The following ZC3H15 variants were observed in gnomAD, a reference collection of about 807,000 sequenced individuals.
The protein encoded by ZC3H15 is zinc finger CCCH-type containing 15, also known as zinc finger CCCH domain-containing protein 15.
A neutral mutation model predicts 51.2 loss-of-function variants in ZC3H15; 15 were observed. The observed-to-expected ratio is 0.29, with a 90% CI of 0.20 to 0.45. The LOEUF is 0.45. Among genes scored for constraint, ZC3H15 ranks in the 20% least tolerant of loss-of-function variants. The probability of loss-of-function intolerance (pLI) is 1.00; values close to 1 mark genes in which losing one functional copy is unlikely to be tolerated. For missense variants in ZC3H15, 381 were observed against 494.7 expected, an observed-to-expected ratio of 0.77 and a Z score of 2.18; for synonymous variants, 144 against 162.8, an observed-to-expected ratio of 0.88 and a Z score of 0.88.
Position 186,486,303 on chromosome 2 carries a change from C to G in ZC3H15, c.-80C>G. 5 of 1,365,880 alleles carry G rather than the reference C, an allele frequency of 3.7e-6. No individual in the cohort carries two copies. The highest frequency in any genetic ancestry group is 4.8e-6 in the Non-Finnish European group (5 of 1,039,930). 84.6% of individuals were successfully genotyped at this position (1,365,880 alleles called of 1,614,324 possible). On this transcript the variant is annotated 5_prime_UTR_variant, in exon 1 of 10. Coordinates refer to ENST00000337859, the MANE Select transcript of ZC3H15 (RefSeq NM_018471.3). ...TGCGGCGAGTGAGGCCCCGGTCTTC[C>G]TCCTCGTCCTGCCGCAGGGCCAGAA... is the stretch of plus-strand genomic sequence containing the variant.
At position 186,497,870 on chromosome 2, in the gene ZC3H15, C is replaced by T. The variant is rs527649870; in HGVS notation, c.178-2312C>T. ...GGACTTATCTGTGAACATGGGGTACCTACCCATCATATATAACATCGGAAA... is the reference window on the plus strand; with the variant it reads ...GGACTTATCTGTGAACATGGGGTACTTACCCATCATATATAACATCGGAAA... On this transcript the variant is annotated intron_variant, in intron 2 of 9. Coordinates refer to ENST00000337859, the MANE Select transcript of ZC3H15 (RefSeq NM_018471.3). Among the ~76,000 whole-genome samples, 4 of 152,184 alleles carry T rather than the reference C, an allele frequency of 2.6e-5. No homozygotes were observed. The South Asian group carries it at 8.3e-4, about 32-fold the overall frequency.
rs1226135194 is a variant in ZC3H15 at position 186,500,179 on chromosome 2, T to C, written c.178-3T>C. 1.9e-6 allele frequency: 3 copies of C among 1,594,652 alleles called. No homozygotes were observed. Among genetic ancestry groups the C allele is most frequent in the Non-Finnish European group, 1.7e-6 (2 of 1,175,126 alleles). On this transcript the variant is annotated splice_polypyrimidine_tract_variant and splice_region_variant and intron_variant, in intron 2 of 9. Transcript: ENST00000337859. The stretch of plus-strand genomic sequence containing the variant: ...TTACATTTTAAACCTGGGAATATTA[T>C]AGGTAGCACAGAGTGAAGCTGAAAA...
chr2:186,500,436 G>C (rs1685361966), intron 3 of ZC3H15, 143 bp downstream of exon 3: 1 of 751,336 alleles, frequency 1.3e-6, no homozygotes, highest in African/African-American at 1.8e-5. Flanking sequence ...ACCTATGTCA[G>C]TGGGTTGCTT....
At chr2:186,500,115 C>A in intron 2 of ZC3H15, 67 bp from the exon 3 acceptor site, 1 of 1,380,736 alleles carries the variant, frequency 7.2e-7, no homozygotes, top group Admixed American at 2.3e-5. Flanking sequence ...TATGGTAATG[C>A]TAACTTTGTA....
chr2:186,508,569 G>A lies in ZC3H15; in HGVS notation c.1117G>A (p.Gly373Ser). 1 of 1,613,962 alleles carries A rather than the reference G, an allele frequency of 6.2e-7. No homozygotes were observed. The highest frequency in any genetic ancestry group is 8.5e-7 in the Non-Finnish European group (1 of 1,179,958). ...AAACAAATTAAGTGAAGCTTCTGGA[G>A]GTAGGGCTGAAAATGGTGAAAGAAG... ...DENKLSEASG[G>S]RAENGERSDL... The change falls in exon 10 of 10, where the codon GGT becomes AGT. Residue 373 changes from glycine (G) to serine (S), a missense_variant. By Grantham distance (56) the Gly-to-Ser change is moderately conservative. This residue lies in a region of ZC3H15 where 215 missense variants were observed against 241.8 expected (regional missense o/e 0.89). Coordinates refer to ENST00000337859, the MANE Select transcript of ZC3H15 (RefSeq NM_018471.3).
chr2:186,506,621 C>A, intron 8 of ZC3H15, 92 bp from the exon 9 acceptor site: 1 of 1,381,832 alleles, frequency 7.2e-7, no homozygotes, highest in Non-Finnish European at 9.8e-7. Context: ...TCACTTGGAT[C>A]AGTGATAATT....
Position 186,502,841 on chromosome 2 carries a change from G to A in ZC3H15, c.534+254G>A, listed in dbSNP as rs6704798. Among the ~76,000 whole-genome samples the A allele has an allele frequency of 6.0e-3, 910 of 152,212 alleles. 9 individuals carry two copies. The highest frequency in any genetic ancestry group is 0.019 in the African/African-American group (795 of 41,544). Reference sequence around the variant, plus strand: ...TTAAATGCCATTTTCTGAGGTGAACGTTCTCAAATATGGATAAACAAAATT... The same window carrying A: ...TTAAATGCCATTTTCTGAGGTGAACATTCTCAAATATGGATAAACAAAATT... On this transcript the variant is annotated intron_variant, in intron 5 of 9. Coordinates refer to ENST00000337859, the MANE Select transcript of ZC3H15 (RefSeq NM_018471.3).
chr2:186,490,653 A>G (rs1409242791), intron 1 of ZC3H15, among the ~76,000 whole-genome samples: 3 of 152,182 alleles, frequency 2.0e-5, no homozygotes, highest in Non-Finnish European at 4.4e-5. Flanking sequence ...TTGGAGCACT[A>G]TTCAGTGTTG....
Position 186,508,526 on chromosome 2 carries a change from C to G in ZC3H15, c.1091-17C>G, listed in dbSNP as rs554436445. On this transcript the variant is annotated splice_polypyrimidine_tract_variant and intron_variant, in intron 9 of 9. Coordinates refer to ENST00000337859, the MANE Select transcript of ZC3H15 (RefSeq NM_018471.3). Reference sequence around the variant, plus strand: ...TTTCTGCTTCTACGCCTTACTGATTCCAGTTTTTATATTTAGAAAACAAAT... The same window carrying G: ...TTTCTGCTTCTACGCCTTACTGATTGCAGTTTTTATATTTAGAAAACAAAT... 1.9e-5 allele frequency: 31 copies of G among 1,611,852 alleles called. No individual in the cohort carries two copies. The highest frequency in any genetic ancestry group is 2.5e-5 in the Non-Finnish European group (30 of 1,178,632).
Position 186,486,286 on chromosome 2 carries a change from G to GTGAGGCCCCGGTCTTCC in ZC3H15, c.-95_-79dup, listed in dbSNP as rs1348615941. ...ACTCGCTTTCCGTGCGGTGCGGCGA[G>GTGAGGCCCCGGTCTTCC]TGAGGCCCCGGTCTTCCTCCTCGTC... On this transcript the variant is annotated 5_prime_UTR_variant, in exon 1 of 10. Coordinates refer to ENST00000337859, the MANE Select transcript of ZC3H15 (RefSeq NM_018471.3). The GTGAGGCCCCGGTCTTCC allele has an allele frequency of 1.5e-6, 2 of 1,303,572 alleles. No homozygotes were observed. Among genetic ancestry groups the GTGAGGCCCCGGTCTTCC allele is most frequent in the Non-Finnish European group, 2.0e-6 (2 of 992,406 alleles). 80.8% of individuals were successfully genotyped at this position (1,303,572 alleles called of 1,614,324 possible).
At chr2:186,501,143 A>C (rs746459580) in intron 3 of ZC3H15, 130 bp from the exon 4 acceptor site, 1 of 874,196 alleles carries the variant, frequency 1.1e-6, no homozygotes, top group African/African-American at 1.7e-5. Context: ...CTAATCACCC[A>C]TAAGTGCCGT....
chr2:186,505,868 C>A, intron 8 of ZC3H15, 27 bp downstream of exon 8: 1 of 1,604,652 alleles, frequency 6.2e-7, no homozygotes, highest in Non-Finnish European at 8.5e-7. Flanking sequence ...TGCCTCATCT[C>A]CTTATGTTAA....
At chr2:186,489,962 G>A (rs1011128123) in intron 1 of ZC3H15, among the ~76,000 whole-genome samples, 3 of 152,178 alleles carry the variant, frequency 2.0e-5, no homozygotes, top group Non-Finnish European at 4.4e-5. Context: ...TATATATTCA[G>A]TAAATGGCAG....
intron 1 of ZC3H15, chr2:186,487,492 G>A (rs149611200): frequency 6.6e-6 from 1 of 152,326 alleles, no homozygotes; most frequent in East Asian, 1.9e-4. Flanking sequence ...TTGGATTTAA[G>A]AAAATGCTTA....
rs77291912 is a variant in ZC3H15, at chr2:186,499,282, C to G, written c.178-900C>G. On this transcript the variant is annotated intron_variant, in intron 2 of 9. Coordinates refer to ENST00000337859, the MANE Select transcript of ZC3H15 (RefSeq NM_018471.3). ...TGATATTTTATAAAATGTGACCTGACCTTGTTATTGGGTTACTTTAAACAG... is the reference window on the plus strand; with the variant it reads ...TGATATTTTATAAAATGTGACCTGAGCTTGTTATTGGGTTACTTTAAACAG... 8.9e-3 allele frequency among the ~76,000 whole-genome samples: 1,122 copies of G among 126,324 alleles called. 7 individuals carry two copies. Among genetic ancestry groups the G allele is most frequent in the South Asian group, 0.025 (84 of 3,302 alleles). The allele number at this position is 126,324 out of a possible 152,430, so 82.9% of individuals were successfully genotyped here. A position where few individuals can be genotyped will look rare whatever the true frequency, so the allele number is the denominator to read the frequency against.
chr2:186,503,945 T>G (rs1389101400), intron 5 of ZC3H15, 87 bp from the exon 6 acceptor site: 2 of 1,061,886 alleles, frequency 1.9e-6, no homozygotes, highest in African/African-American at 3.2e-5. Flanking sequence ...AACGTACTTG[T>G]GTGTATACTT....
intron 2 of ZC3H15, chr2:186,499,565 T>G: frequency 2.2e-6 from 1 of 456,262 alleles, no homozygotes; most frequent in South Asian, 1.6e-5. Context: ...GATTCTGAGC[T>G]TCTTTAAATA....
At chr2:186,486,845 C>T (rs777182766) in intron 1 of ZC3H15, 12 of 201,200 alleles carry the variant, frequency 6.0e-5, no homozygotes, top group African/African-American at 1.8e-4. Flanking sequence ...GGAAGACCGA[C>T]TCATGACGAG....
chr2:186,508,912 C>A lies in ZC3H15; in HGVS notation c.*179C>A. 1.5e-6 allele frequency: 1 copy of A among 671,670 alleles called. No homozygotes were observed. The highest frequency in any genetic ancestry group is 2.6e-6 in the Non-Finnish European group (1 of 384,730). 41.6% of individuals were successfully genotyped at this position (671,670 alleles called of 1,614,324 possible). A position where few individuals can be genotyped will look rare whatever the true frequency, so the allele number is the denominator to read the frequency against. ...TCTTCTCTTCTGACTTTGGCTACATCTCATAGTAAGTTCAGAGTAGTTCAT... is the reference window on the plus strand; with the variant it reads ...TCTTCTCTTCTGACTTTGGCTACATATCATAGTAAGTTCAGAGTAGTTCAT... On this transcript the variant is annotated 3_prime_UTR_variant, in exon 10 of 10. Coordinates refer to ENST00000337859, the MANE Select transcript of ZC3H15 (RefSeq NM_018471.3).
Sources: allele counts gnomAD v4.1 joint callset (sites outside exome capture counted in the v4.1 genomes callset), GRCh38; gene constraint gnomAD v4.1.1; regional missense constraint gnomAD v4.1.1; transcripts MANE v1.5; gene names NCBI Gene and HGNC (gene_info 2026-07-23, HGNC 2026-07-21).